The following BLTP3B variants were observed in gnomAD, a reference collection of about 807,000 sequenced individuals.
BLTP3B encodes the protein bridge-like lipid transfer protein family member 3B.
the BLTP3B span, among the ~76,000 whole-genome samples, chr12:100,139,293 T>C: frequency 6.6e-6 from 1 of 152,246 alleles, no homozygotes; most frequent in Non-Finnish European, 1.5e-5. Context: ...GAACAATTCC[T>C]CTTCCATACT....
At chr12:100,142,744 T>C in the BLTP3B span, 1 of 1,492,070 alleles carries the variant, frequency 6.7e-7, no homozygotes. Flanking sequence ...GAGGCGCTGA[T>C]CGCTCACGAC....
the BLTP3B span, among the ~76,000 whole-genome samples, chr12:100,098,913 T>C: frequency 9.0e-6 from 1 of 111,130 alleles, no homozygotes; most frequent in African/African-American, 5.7e-5. Flanking sequence ...TGTCTAAAAA[T>C]ATAGACAGAT....
the BLTP3B span, among the ~76,000 whole-genome samples, chr12:100,088,011 T>C: frequency 1.2e-3 from 177 of 152,326 alleles, no homozygotes; most frequent in African/African-American, 4.1e-3. Context: ...TCCTCACCTT[T>C]GCCCCTCCAA....
the BLTP3B span, chr12:100,047,982 T>A: frequency 6.4e-7 from 1 of 1,569,214 alleles, no homozygotes; most frequent in Non-Finnish European, 8.6e-7. Context: ...GTATCTTCAT[T>A]GGCATTACTG....
the BLTP3B span, among the ~76,000 whole-genome samples, chr12:100,124,978 A>T: frequency 2.4e-3 from 241 of 99,218 alleles, 4 homozygotes; most frequent in African/African-American, 0.012. Flanking sequence ...ATATATATAT[A>T]TTTATATTTA....
the BLTP3B span, among the ~76,000 whole-genome samples, chr12:100,054,293 A>C: frequency 6.6e-6 from 1 of 152,212 alleles, no homozygotes; most frequent in Admixed American, 6.5e-5. Context: ...AGCCAAATAC[A>C]TAATATGACA....
At chr12:100,093,713 T>A in the BLTP3B span, among the ~76,000 whole-genome samples, 1 of 152,210 alleles carries the variant, frequency 6.6e-6, no homozygotes, top group Non-Finnish European at 1.5e-5. Context: ...AGATCAAGTT[T>A]AAGAAAGAAT....
the BLTP3B span, chr12:100,103,897 T>C: frequency 3.1e-6 from 5 of 1,589,354 alleles, no homozygotes; most frequent in African/African-American, 6.8e-5. Flanking sequence ...ATTTCTAAAG[T>C]GGTTTCAGAA....
At chr12:100,077,848 T>C in the BLTP3B span, among the ~76,000 whole-genome samples, 6 of 152,296 alleles carry the variant, frequency 3.9e-5, no homozygotes, top group East Asian at 1.2e-3. Flanking sequence ...GTAAGATTGT[T>C]AGTATAAATA....
At chr12:100,058,646 A>T in the BLTP3B span, 6 of 1,613,954 alleles carry the variant, frequency 3.7e-6, no homozygotes, top group Non-Finnish European at 5.1e-6. Flanking sequence ...TATTTGCTTG[A>T]TCCACTGGAT....
the BLTP3B span, among the ~76,000 whole-genome samples, chr12:100,053,767 T>C: frequency 6.6e-6 from 1 of 152,180 alleles, no homozygotes; most frequent in Non-Finnish European, 1.5e-5. Context: ...ACTTCAATTT[T>C]TACTCTAGGG....
At chr12:100,045,775 A>C in the BLTP3B span, among the ~76,000 whole-genome samples, 1 of 152,176 alleles carries the variant, frequency 6.6e-6, no homozygotes, top group Admixed American at 6.5e-5. Context: ...ATAAACTATC[A>C]TCAGAGTGAA....
chr12:100,113,861 G>A, the BLTP3B span, among the ~76,000 whole-genome samples: 1 of 151,792 alleles, frequency 6.6e-6, no homozygotes, highest in Non-Finnish European at 1.5e-5. Flanking sequence ...AAAACTAGAT[G>A]TTACAGGGAA....
At chr12:100,061,934 T>C in the BLTP3B span, among the ~76,000 whole-genome samples, 24 of 152,232 alleles carry the variant, frequency 1.6e-4, no homozygotes, top group African/African-American at 1.9e-4. Context: ...TAGCTCAGAA[T>C]GTATTTGGAG....
At chr12:100,041,429 CTT>C in the BLTP3B span, among the ~76,000 whole-genome samples, 41 of 101,788 alleles carry the variant, frequency 4.0e-4, no homozygotes, top group African/African-American at 1.8e-3. Flanking sequence ...GCTATTGTTA[CTT>C]TTTTTTTTTT....
At chr12:100,142,816 C>A in the BLTP3B span, 6 of 856,402 alleles carry the variant, frequency 7.0e-6, no homozygotes, top group South Asian at 3.8e-5. Context: ...GAGCATCACG[C>A]TCAGGCCGCC....
chr12:100,053,514 T>C, the BLTP3B span, among the ~76,000 whole-genome samples: 2 of 152,202 alleles, frequency 1.3e-5, no homozygotes. Context: ...ATAGTCCAGT[T>C]ATGTGTTTAT....
chr12:100,086,362 G>T, the BLTP3B span: 2 of 438,210 alleles, frequency 4.6e-6, no homozygotes, highest in Non-Finnish European at 8.3e-6. Flanking sequence ...TTTGACTCTG[G>T]GAAAAAAAAA....
chr12:100,134,244 T>C, the BLTP3B span, among the ~76,000 whole-genome samples: 1 of 152,196 alleles, frequency 6.6e-6, no homozygotes, highest in Non-Finnish European at 1.5e-5. Context: ...CTTCCATTGT[T>C]GTCAGACTAA....
Sources: gnomAD v4.1 joint callset for allele counts (sites outside exome capture counted in the v4.1 genomes callset) on GRCh38, gnomAD v4.1.1 for gene constraint, MANE v1.5 for transcripts, NCBI Gene and HGNC (gene_info 2026-07-23, HGNC 2026-07-21) for gene names.